The following CCP110 variants were observed in gnomAD, a reference collection of about 807,000 sequenced individuals.
CCP110 encodes centriolar coiled-coil protein 110, also known as centriolar coiled-coil protein of 110 kDa.
CCP110 carries 43 observed loss-of-function variants against 105.5 expected under a neutral mutation model. The ratio of observed to expected loss-of-function variants is 0.41; its 90% CI spans 0.32 to 0.53. The LOEUF (loss-of-function observed/expected upper bound fraction) is 0.53. Among genes scored for constraint, CCP110 ranks in the 20% least tolerant of loss-of-function variants. The pLI is 0.32. For synonymous variants in CCP110, 353 were observed against 392.1 expected (o/e 0.90, Z 1.18); for missense variants, 1,016 against 1,189.1 (o/e 0.85, Z 2.14).
At chr16:19,534,993 G>C (rs1400566576) in intron 3 of CCP110, among the ~76,000 whole-genome samples, 1 of 145,416 alleles carries the variant, frequency 6.9e-6, no homozygotes, top group Non-Finnish European at 1.5e-5. Flanking sequence ...CCATTCTCTT[G>C]CTTCAGCCTC....
intron 14 of CCP110, among the ~76,000 whole-genome samples, chr16:19,549,003 T>G (rs1053938203): frequency 6.6e-6 from 1 of 152,216 alleles, no homozygotes; most frequent in Non-Finnish European, 1.5e-5. Context: ...TCCCTCAGAC[T>G]ATAAGATCAC....
exon 5 of CCP110, chr16:19,540,745 A>G: frequency 1.2e-6 from 2 of 1,613,362 alleles, no homozygotes; most frequent in Middle Eastern, 3.3e-4. Context: ...AATTATCACT[A>G]CTCATAGCTG....
At chr16:19,534,657 C>T (rs918832081) in intron 3 of CCP110, among the ~76,000 whole-genome samples, 1 of 149,108 alleles carries the variant, frequency 6.7e-6, no homozygotes, top group Non-Finnish European at 1.5e-5. Context: ...TACTCTTGTA[C>T]TGTTGATTGC....
At chr16:19,544,237 C>G (rs1478729496) in intron 8 of CCP110, among the ~76,000 whole-genome samples, 2 of 152,120 alleles carry the variant, frequency 1.3e-5, no homozygotes, top group Non-Finnish European at 2.9e-5. Flanking sequence ...GCTGGTCCCC[C>G]CAATAATCGT....
exon 13 of CCP110, chr16:19,547,982 T>C: frequency 6.2e-7 from 1 of 1,612,536 alleles, no homozygotes; most frequent in East Asian, 2.2e-5. Flanking sequence ...AAGGACAGAA[T>C]GCACCTGTTC....
At chr16:19,542,631 T>A in exon 7 of CCP110, 1 of 1,610,740 alleles carries the variant, frequency 6.2e-7, no homozygotes, top group Non-Finnish European at 8.5e-7. Flanking sequence ...GTTTCACAAA[T>A]TCTGCCATGC....
chr16:19,546,486 C>G lies in CCP110; in HGVS notation c.2840+12C>G. 1 of 1,522,090 alleles carries G rather than the reference C, an allele frequency of 6.6e-7. No individual in the cohort carries two copies. The allele number at this position is 1,522,090 out of a possible 1,614,324, so 94.3% of individuals were successfully genotyped here. ...CCTTCTGAAACAAGGTGAGAAAAATCACTTAGTCTTAATGAGAGGCTTTTT... is the reference window on the plus strand; with the variant it reads ...CCTTCTGAAACAAGGTGAGAAAAATGACTTAGTCTTAATGAGAGGCTTTTT... On this transcript the variant is annotated intron_variant, in intron 12 of 14. Transcript: ENST00000381396.
intron 2 of CCP110, among the ~76,000 whole-genome samples, chr16:19,531,046 GT>G (rs1430970779): frequency 6.6e-6 from 1 of 152,182 alleles, no homozygotes; most frequent in Non-Finnish European, 1.5e-5. Flanking sequence ...CTTGCTTACA[GT>G]AGTGACTGCC....
At chr16:19,549,534 A>G (rs994891381) in intron 14 of CCP110, among the ~76,000 whole-genome samples, 2 of 152,210 alleles carry the variant, frequency 1.3e-5, no homozygotes, top group Non-Finnish European at 2.9e-5. Flanking sequence ...ACACATATAT[A>G]GGATAATTTA....
chr16:19,526,160 A>C (rs1567345454), intron 1 of CCP110: 2 of 152,238 alleles, frequency 1.3e-5, no homozygotes, highest in African/African-American at 4.8e-5. Flanking sequence ...AGGGATGTGA[A>C]TAACTTTCTG....
intron 1 of CCP110, chr16:19,524,982 A>G (rs1969619569): frequency 1.3e-5 from 2 of 152,244 alleles, no homozygotes; most frequent in African/African-American, 4.8e-5. Flanking sequence ...TTTGAGACGG[A>G]TACCGTGATC....
intron 14 of CCP110, among the ~76,000 whole-genome samples, chr16:19,549,969 T>C (rs1051921212): frequency 1.3e-5 from 2 of 152,192 alleles, no homozygotes; most frequent in Non-Finnish European, 2.9e-5. Flanking sequence ...TAACATACAA[T>C]GAAGTTCATT....
chr16:19,535,649 T>G (rs1970025206), intron 3 of CCP110, among the ~76,000 whole-genome samples: 1 of 152,252 alleles, frequency 6.6e-6, no homozygotes, highest in Non-Finnish European at 1.5e-5. Context: ...TATATGTGTG[T>G]GTGTATACAC....
At chr16:19,532,192 A>G (rs540388055) in intron 2 of CCP110, among the ~76,000 whole-genome samples, 49 of 152,340 alleles carry the variant, frequency 3.2e-4, no homozygotes, top group Middle Eastern at 3.4e-3. Flanking sequence ...GAGTTTTGAT[A>G]TATGGCATAC....
rs759850368 is a variant in CCP110 at position 19,532,563 on chromosome 16, T to C, written c.270+19T>C. ...TGTTCAGGTGTGTGATTTTAGCTGT[T>C]TCAGTTATAATAAAGAAATCATAAG... On this transcript the variant is annotated intron_variant, in intron 3 of 14. Coordinates refer to ENST00000381396, the Ensembl canonical transcript of CCP110. The C allele has an allele frequency of 3.2e-6, 5 of 1,561,974 alleles. No homozygotes were observed. Among genetic ancestry groups the C allele is most frequent in the Non-Finnish European group, 4.3e-6 (5 of 1,160,224 alleles).
In CCP110 at chr16:19,548,087, G is replaced by T. The variant is rs1209735229; in HGVS notation, c.2900+73G>T. On this transcript the variant is annotated intron_variant, in intron 13 of 14. Transcript: ENST00000381396. The surrounding 1 kb of genome is among the most constrained non-coding windows in gnomAD (Gnocchi z 4.1). ...GATTTGAGAGGGAAAAATAAATCTA[G>T]TGTTCTTTATGTAAAGGATAATGGT... is the stretch of plus-strand genomic sequence containing the variant. 3.8e-6 allele frequency: 4 copies of T among 1,045,278 alleles called. No homozygotes were observed. Among genetic ancestry groups the T allele is most frequent in the Non-Finnish European group, 4.5e-6 (3 of 667,928 alleles). The allele number at this position is 1,045,278 out of a possible 1,614,324, so 64.8% of individuals were successfully genotyped here.
chr16:19,536,195 A>C (rs774501610), exon 4 of CCP110: 2 of 1,614,158 alleles, frequency 1.2e-6, no homozygotes, highest in Non-Finnish European at 1.7e-6. Context: ...GCAATGTGAT[A>C]GTTCCAATAT....
intron 8 of CCP110, among the ~76,000 whole-genome samples, chr16:19,543,851 C>T (rs1011846792): frequency 6.6e-6 from 1 of 152,150 alleles, no homozygotes; most frequent in Non-Finnish European, 1.5e-5. Flanking sequence ...GACCAGTTCT[C>T]TGCTCTCAAA....
intron 8 of CCP110, among the ~76,000 whole-genome samples, 164 bp downstream of exon 8, chr16:19,543,158 G>A (rs761328804): frequency 3.0e-4 from 45 of 152,178 alleles, no homozygotes; most frequent in Admixed American, 2.2e-3. Flanking sequence ...CAGGGACCCC[G>A]AATGGAGGGA....
Sources: allele counts gnomAD v4.1 joint callset (sites outside exome capture counted in the v4.1 genomes callset), GRCh38; gene constraint gnomAD v4.1.1; non-coding constraint Gnocchi (gnomAD v3.1); transcripts MANE v1.5; gene names NCBI Gene and HGNC (gene_info 2026-07-23, HGNC 2026-07-21).